The following TMEM276 variants were observed in gnomAD, a reference collection of about 807,000 sequenced individuals.
TMEM276 encodes the protein transmembrane protein 276.
the TMEM276 span, chr8:144,465,139 A>C: frequency 6.8e-5 from 96 of 1,411,518 alleles, no homozygotes; most frequent in East Asian, 2.9e-4. Flanking sequence ...AACGGGGGAA[A>C]ACGACTCAGG....
chr8:144,465,131 C>T, the TMEM276 span: 9 of 1,402,098 alleles, frequency 6.4e-6, no homozygotes, highest in African/African-American at 7.3e-5. Context: ...AGCCGGGAAA[C>T]GGGGGAAAAC....
At chr8:144,466,362 T>A in the TMEM276 span, 2 of 676,718 alleles carry the variant, frequency 3.0e-6, no homozygotes, top group South Asian at 6.1e-5. Flanking sequence ...GGGCGCCGAG[T>A]CTGGGCGCGG....
the TMEM276 span, chr8:144,465,281 C>T: frequency 9.0e-7 from 1 of 1,109,030 alleles, no homozygotes; most frequent in Non-Finnish European, 1.1e-6. Flanking sequence ...TTCCGGGAGG[C>T]GTTGTCCTGG....
At chr8:144,464,593 G>A in the TMEM276 span, 3 of 1,609,112 alleles carry the variant, frequency 1.9e-6, no homozygotes, top group South Asian at 1.1e-5. Flanking sequence ...CAGGAAGCCA[G>A]CAGCAGCCCC....
the TMEM276 span, chr8:144,465,312 C>A: frequency 9.1e-7 from 1 of 1,103,802 alleles, no homozygotes; most frequent in Non-Finnish European, 1.1e-6. Flanking sequence ...CCAGGAGGAG[C>A]GACGGCGCAG....
chr8:144,464,775 G>A, the TMEM276 span: 1 of 1,610,314 alleles, frequency 6.2e-7, no homozygotes, highest in Non-Finnish European at 8.5e-7. Context: ...GGGAGGTATG[G>A]GGATGCGCCC....
chr8:144,466,534 C>G, the TMEM276 span: 23 of 1,183,998 alleles, frequency 1.9e-5, no homozygotes, highest in East Asian at 3.5e-5. Flanking sequence ...CGGGGCTGGC[C>G]GTGCAGCCCG....
chr8:144,466,875 G>A, the TMEM276 span: 1 of 1,537,496 alleles, frequency 6.5e-7, no homozygotes, highest in Non-Finnish European at 8.7e-7. Context: ...TGCGAGGGCG[G>A]TGCCGGGACC....
chr8:144,464,406 C>T, the TMEM276 span: 3 of 1,612,046 alleles, frequency 1.9e-6, no homozygotes. Context: ...CAGCCACTGC[C>T]AGCACCATGC....
At chr8:144,464,913 C>T in the TMEM276 span, 25 of 1,610,658 alleles carry the variant, frequency 1.6e-5, no homozygotes, top group African/African-American at 2.7e-5. Context: ...GCACCTCAGG[C>T]GGCAGTATGT....
chr8:144,466,751 C>T, the TMEM276 span: 2 of 1,524,052 alleles, frequency 1.3e-6, no homozygotes, highest in Non-Finnish European at 1.8e-6. Flanking sequence ...GCCCCTGCCC[C>T]CTCCCTAGAG....
chr8:144,466,805 C>G, the TMEM276 span: 14 of 1,537,610 alleles, frequency 9.1e-6, no homozygotes, highest in South Asian at 1.3e-4. Flanking sequence ...CCTGCCCGCG[C>G]CAGAGCTGTG....
the TMEM276 span, chr8:144,466,739 G>T: frequency 1.3e-6 from 2 of 1,509,232 alleles, no homozygotes; most frequent in African/African-American, 1.4e-5. Context: ...CTCCTCAGGG[G>T]CGCCCCTGCC....
chr8:144,466,414 G>T, the TMEM276 span: 2 of 1,288,236 alleles, frequency 1.6e-6, no homozygotes, highest in Non-Finnish European at 2.0e-6. Flanking sequence ...GCCGCCCCGC[G>T]CTCCCATGTA....
chr8:144,466,308 T>G, the TMEM276 span: 1 of 252,220 alleles, frequency 4.0e-6, no homozygotes, highest in Non-Finnish European at 7.0e-6. Context: ...AGCCGGGCCG[T>G]GGGGGCGGCC....
chr8:144,464,716 ACTTCCC>A, the TMEM276 span: 3 of 1,565,526 alleles, frequency 1.9e-6, no homozygotes, highest in Non-Finnish European at 2.6e-6. Context: ...TCTTAGACGC[ACTTCCC>A]ACCAACCTCT....
chr8:144,464,260 G>A, the TMEM276 span: 1 of 1,613,212 alleles, frequency 6.2e-7, no homozygotes, highest in Non-Finnish European at 8.5e-7. Flanking sequence ...CAGGAGGCCT[G>A]CCACACCCAG....
the TMEM276 span, chr8:144,464,636 C>T: frequency 6.3e-7 from 1 of 1,587,912 alleles, no homozygotes; most frequent in Non-Finnish European, 8.6e-7. Flanking sequence ...GAAGGGAGAA[C>T]ACGTGGGAAA....
chr8:144,464,518 G>A, the TMEM276 span: 3 of 1,612,282 alleles, frequency 1.9e-6, no homozygotes, highest in South Asian at 2.2e-5. Context: ...CCAGGCTCCA[G>A]CAAGGCAGTC....
Sources: gnomAD v4.1 joint callset for allele counts on GRCh38, gnomAD v4.1.1 for gene constraint, MANE v1.5 for transcripts, NCBI Gene and HGNC (gene_info 2026-07-23, HGNC 2026-07-21) for gene names.